Variants in PRKRA observed in about 807,000 individuals in gnomAD.
PRKRA encodes the protein interferon-inducible double-stranded RNA-dependent protein kinase activator A.
PRKRA carries 22 observed loss-of-function variants against 32.4 expected under a neutral mutation model. The observed-to-expected ratio is 0.68, with a 90% CI of 0.49 to 0.97. The LOEUF (loss-of-function observed/expected upper bound fraction) is 0.97. Ranked by LOEUF, PRKRA falls within the 50% of genes least tolerant of loss-of-function variation. The pLI is 0.00. For missense variants in PRKRA, 319 were observed against 375.6 expected, an observed-to-expected ratio of 0.85 and a Z score of 1.25; for synonymous variants, 139 against 129.8, an observed-to-expected ratio of 1.07 and a Z score of -0.48.
At position 178,447,509 on chromosome 2, in the gene PRKRA, T is replaced by C; in HGVS notation, c.313A>G (p.Ile105Val). 6.2e-7 allele frequency: 1 copy of C among 1,614,162 alleles called. No individual in the cohort carries two copies. Among genetic ancestry groups the C allele is most frequent in the Non-Finnish European group, 8.5e-7 (1 of 1,179,988 alleles). ...AINILKANAS[I>V]CFAVPDPLMP... ...ATACAAAGAAATTTAGCTCACCAAA[T>C]ACTTGCATTGGCTTTCAAAATGTTT... is the stretch of plus-strand genomic sequence containing the variant. The change falls in exon 3 of 8, where the codon ATT becomes GTT. Residue 105 changes from isoleucine to valine, a missense_variant. Ile to Val is a conservative substitution (Grantham distance 29). Coordinates refer to ENST00000325748, the MANE Select transcript of PRKRA (RefSeq NM_003690.5).
At chr2:178,437,667 ACTC>A (rs1248438929) in intron 6 of PRKRA, among the ~76,000 whole-genome samples, 1 of 152,124 alleles carries the variant, frequency 6.6e-6, no homozygotes. Context: ...ACCAATTTAT[ACTC>A]CTACCAACTG....
At chr2:178,446,134 C>A (rs1422887138) in intron 3 of PRKRA, among the ~76,000 whole-genome samples, 1 of 152,102 alleles carries the variant, frequency 6.6e-6, no homozygotes, top group Non-Finnish European at 1.5e-5. Context: ...TGTGCCTCAG[C>A]CACCCAAGTA....
At chr2:178,444,957 ACT>A (rs1477536936) in intron 3 of PRKRA, among the ~76,000 whole-genome samples, 6 of 152,206 alleles carry the variant, frequency 3.9e-5, no homozygotes, top group Admixed American at 6.5e-5. Flanking sequence ...TTTAAAGAAT[ACT>A]CTGTTACAAC....
chr2:178,441,737 A>G (rs1211202828), intron 5 of PRKRA, 33 bp from the exon 6 acceptor site: 2 of 742,692 alleles, frequency 2.7e-6, no homozygotes, highest in Admixed American at 3.8e-5. Context: ...TAGATTTAGA[A>G]AAGAAATTAG....
At chr2:178,449,438 A>T (rs547989926) in intron 2 of PRKRA, among the ~76,000 whole-genome samples, 10 of 152,328 alleles carry the variant, frequency 6.6e-5, no homozygotes, top group Middle Eastern at 6.8e-3. Context: ...CTTCCTACTA[A>T]ATTTTTTTCT....
In PRKRA at chr2:178,431,544, T is replaced by C. The variant is rs3997881; in HGVS notation, c.*553A>G. ...TTCACAATGGCTAACAAGAACAGGA[T>C]GACAGTCAAGTCAGTAGCTTTTTAA... On this transcript the variant is annotated 3_prime_UTR_variant, in exon 8 of 8. Coordinates refer to ENST00000325748, the MANE Select transcript of PRKRA (RefSeq NM_003690.5). 0.22 allele frequency: 33,316 copies of C among 151,260 alleles called. 1 individual carries two copies. The highest frequency in any genetic ancestry group is 0.28 in the East Asian group (1,428 of 5,186). The allele number at this position is 151,260 out of a possible 1,614,324, so 9.4% of individuals were successfully genotyped here. A position where few individuals can be genotyped will look rare whatever the true frequency, so the allele number is the denominator to read the frequency against.
intron 5 of PRKRA, 58 bp from the exon 6 acceptor site, chr2:178,441,762 G>A: frequency 7.3e-7 from 1 of 1,369,656 alleles, no homozygotes; most frequent in East Asian, 2.3e-5. Context: ...CACAGAGGAT[G>A]ATCAAACGTA....
At position 178,450,957 on chromosome 2, in the gene PRKRA, C is replaced by A; in HGVS notation, c.65+9G>T. On this transcript the variant is annotated intron_variant, in intron 1 of 7. Coordinates refer to ENST00000325748, the MANE Select transcript of PRKRA (RefSeq NM_003690.5). ...CCGGCCCTGGGGCCCTGACTGCCCG[C>A]ACGCTGACCTGAAGGTCCCACTGTC... The A allele has an allele frequency of 1.3e-6, 1 of 772,688 alleles. No individual in the cohort carries two copies. The highest frequency in any genetic ancestry group is 1.8e-6 in the Non-Finnish European group (1 of 555,014). 47.9% of individuals were successfully genotyped at this position (772,688 alleles called of 1,614,324 possible).
intron 7 of PRKRA, among the ~76,000 whole-genome samples, chr2:178,435,907 C>G (rs1362284086): frequency 6.6e-6 from 1 of 152,176 alleles, no homozygotes; most frequent in Non-Finnish European, 1.5e-5. Context: ...CAGTAAAACT[C>G]TATCTTTGCT....
intron 6 of PRKRA, among the ~76,000 whole-genome samples, chr2:178,438,522 C>CT (rs2154124886): frequency 6.6e-6 from 1 of 152,288 alleles, no homozygotes; most frequent in South Asian, 2.1e-4. Flanking sequence ...AGTAACTTGT[C>CT]TGACAAGTTC....
chr2:178,432,140 T>A lies in PRKRA; in HGVS notation c.899A>T (p.His300Leu). Reference sequence around the variant, plus strand: ...TATCTTTAAATACTGCAAAGCATTGTGAGCTGCATCACTTTGTGCATTGCC... The same window carrying A: ...TATCTTTAAATACTGCAAAGCATTGAGAGCTGCATCACTTTGTGCATTGCC... ...SCGNAQSDAA[H>L]NALQYLKIIA... Residue 300 changes from histidine (H) to leucine (L), a missense_variant, in exon 8 of 8, where the codon CAC becomes CTC. Coordinates refer to ENST00000325748, the MANE Select transcript of PRKRA (RefSeq NM_003690.5). 1.2e-6 allele frequency: 2 copies of A among 1,614,256 alleles called. No homozygotes were observed. The highest frequency in any genetic ancestry group is 1.7e-6 in the Non-Finnish European group (2 of 1,180,042).
chr2:178,436,110 A>C (rs766219550), intron 7 of PRKRA, 35 bp downstream of exon 7: 4 of 1,549,572 alleles, frequency 2.6e-6, no homozygotes, highest in Non-Finnish European at 2.7e-6. Context: ...TTAAATAAAC[A>C]TGTCTTGGGA....
intron 2 of PRKRA, chr2:178,449,980 T>C (rs1370122399): frequency 1.8e-6 from 1 of 555,142 alleles, no homozygotes; most frequent in Non-Finnish European, 3.2e-6. Flanking sequence ...GATCCTAGGG[T>C]ATGAGAAGAG....
Position 178,451,173 on chromosome 2 carries a change from G to A in PRKRA, c.-143C>T, listed in dbSNP as rs1046161339. 4 of 899,154 alleles carry A rather than the reference G, an allele frequency of 4.4e-6. No individual in the cohort carries two copies. Among genetic ancestry groups the A allele is most frequent in the African/African-American group, 3.6e-5 (2 of 56,094 alleles). 55.7% of individuals were successfully genotyped at this position (899,154 alleles called of 1,614,324 possible). On this transcript the variant is annotated 5_prime_UTR_variant, in exon 1 of 8. Coordinates refer to ENST00000325748, the MANE Select transcript of PRKRA (RefSeq NM_003690.5). ...CCTCCTGCTTGCGTTGCTCCAGCGA[G>A]GGGGCAGGCAGGGTGGGGGCGGAGC...
At chr2:178,432,332 CTTATTA>C (rs1358667394) in intron 7 of PRKRA, 78 bp from the exon 8 acceptor site, 3 of 1,284,850 alleles carry the variant, frequency 2.3e-6, no homozygotes, top group Non-Finnish European at 3.1e-6. Context: ...CAATACAATT[CTTATTA>C]TTGTCTTTCT....
Position 178,432,023 on chromosome 2 carries a change from A to T in PRKRA, c.*74T>A. The T allele has an allele frequency of 6.6e-7, 1 of 1,522,038 alleles. No homozygotes were observed. The highest frequency in any genetic ancestry group is 9.1e-7 in the Non-Finnish European group (1 of 1,103,182). The allele number at this position is 1,522,038 out of a possible 1,614,324, so 94.3% of individuals were successfully genotyped here. A position where few individuals can be genotyped will look rare whatever the true frequency, so the allele number is the denominator to read the frequency against. On this transcript the variant is annotated 3_prime_UTR_variant, in exon 8 of 8. Coordinates refer to ENST00000325748, the MANE Select transcript of PRKRA (RefSeq NM_003690.5). ...GAAACAAGACATAAACACTACGGTA[A>T]AAGTTTTACTTGGGAAGGGGCCAGA...
intron 5 of PRKRA, among the ~76,000 whole-genome samples, chr2:178,442,627 C>G (rs1697159832): frequency 6.6e-6 from 1 of 152,232 alleles, no homozygotes; most frequent in African/African-American, 2.4e-5. Context: ...GTACTGGCCA[C>G]ACTACCTCCC....
chr2:178,450,683 G>A (rs1359388055), intron 1 of PRKRA: 4 of 1,416,202 alleles, frequency 2.8e-6, no homozygotes, highest in Non-Finnish European at 3.7e-6. Flanking sequence ...TGGCAGCAGC[G>A]CCGCAGCCTC....
rs148050153 is a variant in PRKRA, at chr2:178,432,243, C to T, written c.796G>A (p.Ala266Thr). ...ITYLDIDELS[A>T]NGQYQCLAEL... Reference sequence around the variant, plus strand: ...GCAAGACATTGATATTGTCCATTGGCGCTCAGTTCATCTGTAATGACACAT... The same window carrying T: ...GCAAGACATTGATATTGTCCATTGGTGCTCAGTTCATCTGTAATGACACAT... The change falls in exon 8 of 8, where the codon GCC becomes ACC. Residue 266 changes from alanine to threonine, a missense_variant. Ala to Thr is a moderately conservative substitution (Grantham distance 58, BLOSUM62 0). Transcript: ENST00000325748. 6.3e-5 allele frequency: 101 copies of T among 1,614,200 alleles called. 1 individual carries two copies. Among genetic ancestry groups the T allele is most frequent in the East Asian group, 3.8e-4 (17 of 44,884 alleles).
Sources: allele counts gnomAD v4.1 joint callset (sites outside exome capture counted in the v4.1 genomes callset), GRCh38; gene constraint gnomAD v4.1.1; transcripts MANE v1.5; gene names NCBI Gene and HGNC (gene_info 2026-07-23, HGNC 2026-07-21).